ARL15: variants seen among roughly 807,000 people sequenced by gnomAD.
ARL15 encodes the protein ADP-ribosylation factor-like protein 15.
Under a neutral mutation model 25.2 loss-of-function variants are expected in ARL15, and 19 were observed. The observed-to-expected ratio is 0.75, with a 90% CI of 0.53 to 1.10. ARL15 has a LOEUF of 1.10. Ranked by LOEUF, ARL15 falls within the 50% of genes least tolerant of loss-of-function variation. ARL15 has a pLI of 0.00. For synonymous variants in ARL15, 94 were observed against 86.8 expected (o/e 1.08, Z -0.46); for missense variants, 220 against 246.0 (o/e 0.89, Z 0.71).
At chr5:54,189,296 A>G (rs2112452263) in intron 1 of ARL15, among the ~76,000 whole-genome samples, 1 of 152,304 alleles carries the variant, frequency 6.6e-6, no homozygotes, top group East Asian at 1.9e-4. Context: ...TTATGGAAAT[A>G]AAAAAGCCCA....
chr5:54,246,024 T>C (rs1757078129), intron 1 of ARL15, among the ~76,000 whole-genome samples: 1 of 152,178 alleles, frequency 6.6e-6, no homozygotes, highest in Non-Finnish European at 1.5e-5. Flanking sequence ...CTTCATTGTA[T>C]ATCCACCCAG....
At chr5:54,289,535 C>T (rs929904227) in intron 1 of ARL15, among the ~76,000 whole-genome samples, 1 of 152,124 alleles carries the variant, frequency 6.6e-6, no homozygotes. Context: ...GTATTTCTAC[C>T]GTAAAAAGTC....
At chr5:54,297,168 G>T (rs1440061789) in intron 1 of ARL15, among the ~76,000 whole-genome samples, 1 of 152,220 alleles carries the variant, frequency 6.6e-6, no homozygotes, top group Non-Finnish European at 1.5e-5. Flanking sequence ...AAGAGGGGTT[G>T]CACTACCAGG....
At chr5:54,198,966 A>C (rs1755635383) in intron 1 of ARL15, among the ~76,000 whole-genome samples, 1 of 152,068 alleles carries the variant, frequency 6.6e-6, no homozygotes, top group African/African-American at 2.4e-5. Context: ...TCAATGGAAC[A>C]GAACAGAGCC....
At chr5:54,080,010 C>CACACACACACAT (rs775031344) in intron 4 of ARL15, among the ~76,000 whole-genome samples, 2 of 144,680 alleles carry the variant, frequency 1.4e-5, no homozygotes, top group African/African-American at 5.1e-5. Flanking sequence ...CACACACACA[C>CACACACACACAT]ACACACAGAC....
chr5:54,067,922 G>A (rs156829), intron 4 of ARL15, among the ~76,000 whole-genome samples: 54,836 of 152,028 alleles, frequency 0.36, 11,668 homozygotes, highest in Admixed American at 0.48. Context: ...AGTTTTTATA[G>A]CATGTCACAC....
At chr5:54,201,848 C>A (rs1476327983) in intron 1 of ARL15, among the ~76,000 whole-genome samples, 1 of 152,102 alleles carries the variant, frequency 6.6e-6, no homozygotes, top group Non-Finnish European at 1.5e-5. Flanking sequence ...ATCTCCTTGA[C>A]CTCCTAACTT....
intron 1 of ARL15, among the ~76,000 whole-genome samples, chr5:54,173,420 G>A (rs1316674731): frequency 6.6e-6 from 1 of 152,040 alleles, no homozygotes; most frequent in Non-Finnish European, 1.5e-5. Flanking sequence ...TGGGTCATCT[G>A]GAGATTACGA....
intron 4 of ARL15, among the ~76,000 whole-genome samples, chr5:54,102,592 TG>T (rs750641007): frequency 7.9e-5 from 12 of 152,176 alleles, no homozygotes; most frequent in Non-Finnish European, 1.3e-4. Context: ...CAATGAAATA[TG>T]CTAACGCCTG....
chr5:54,200,328 T>G (rs1240277240), intron 1 of ARL15, among the ~76,000 whole-genome samples: 3 of 147,870 alleles, frequency 2.0e-5, no homozygotes, highest in Non-Finnish European at 4.5e-5. Flanking sequence ...AAGAAAAAAA[T>G]AAATAAAAAA....
At chr5:54,114,424 C>CAAAAAAAAAAAAAAAAAA (rs1378276588) in intron 3 of ARL15, among the ~76,000 whole-genome samples, 1 of 32,210 alleles carries the variant, frequency 3.1e-5, no homozygotes, top group Non-Finnish European at 6.5e-5. Flanking sequence ...AAAAAAAAAG[C>CAAAAAAAAAAAAAAAAAA]AACACCACAT....
chr5:53,958,115 C>A (rs1196778623), intron 4 of ARL15, among the ~76,000 whole-genome samples: 2 of 150,626 alleles, frequency 1.3e-5, no homozygotes, highest in Admixed American at 6.6e-5. Context: ...GAGGCTGAGA[C>A]AGGAGAATCG....
chr5:54,012,927 A>G lies in ARL15; in HGVS notation c.462+100275T>C, dbSNP rs545225375. Among the ~76,000 whole-genome samples the G allele has an allele frequency of 1.2e-3, 176 of 151,068 alleles. 1 individual carries two copies. Among genetic ancestry groups the G allele is most frequent in the Non-Finnish European group, 2.0e-3 (137 of 67,804 alleles). On this transcript the variant is annotated intron_variant, in intron 4 of 4. Coordinates refer to ENST00000504924, the MANE Select transcript of ARL15 (RefSeq NM_019087.3). Reference sequence around the variant, plus strand: ...CAATTCTCCTGCCTCAGCCTCCTGAATAGCTGGGACTACAGGCATGCACCA... The same window carrying G: ...CAATTCTCCTGCCTCAGCCTCCTGAGTAGCTGGGACTACAGGCATGCACCA...
At chr5:53,970,487 AGAGAGAGAGAGAGG>A (rs753410839) in intron 4 of ARL15, among the ~76,000 whole-genome samples, 10 of 124,026 alleles carry the variant, frequency 8.1e-5, no homozygotes, top group Non-Finnish European at 1.7e-4. Context: ...TGAGTGAGAA[AGAGAGAGAGAGAGG>A]GAGAGAGAGA....
At chr5:53,947,976 T>C (rs975007308) in intron 4 of ARL15, among the ~76,000 whole-genome samples, 3 of 150,640 alleles carry the variant, frequency 2.0e-5, no homozygotes, top group South Asian at 2.1e-4. Flanking sequence ...TTAAAGAAAA[T>C]AGAAATTAAA....
At chr5:54,212,329 C>T (rs1030364329) in intron 1 of ARL15, among the ~76,000 whole-genome samples, 2 of 152,104 alleles carry the variant, frequency 1.3e-5, no homozygotes, top group East Asian at 1.9e-4. Context: ...CCAGATGTCA[C>T]ATTTCTGTTT....
At chr5:54,047,328 A>G (rs1217790885) in intron 4 of ARL15, among the ~76,000 whole-genome samples, 1 of 152,220 alleles carries the variant, frequency 6.6e-6, no homozygotes, top group Non-Finnish European at 1.5e-5. Context: ...TGATACTAGC[A>G]TACCAAAACC....
At chr5:54,211,845 A>T (rs1756052049) in intron 1 of ARL15, among the ~76,000 whole-genome samples, 1 of 152,122 alleles carries the variant, frequency 6.6e-6, no homozygotes, top group Non-Finnish European at 1.5e-5. Flanking sequence ...GAAGGAAATA[A>T]AGAGGAGTAG....
chr5:54,080,317 C>T (rs1456631224), intron 4 of ARL15, among the ~76,000 whole-genome samples: 2 of 152,188 alleles, frequency 1.3e-5, no homozygotes, highest in African/African-American at 2.4e-5. Context: ...CGCTGCTACG[C>T]ACATAATTCA....
Sources: allele counts gnomAD v4.1 joint callset (sites outside exome capture counted in the v4.1 genomes callset), GRCh38; gene constraint gnomAD v4.1.1; transcripts MANE v1.5; gene names NCBI Gene and HGNC (gene_info 2026-07-23, HGNC 2026-07-21).